Variants in NUMB observed in about 807,000 individuals in gnomAD.
NUMB encodes NUMB endocytic adaptor protein, also known as protein numb homolog.
In NUMB, 29 loss-of-function variants were observed where a neutral mutation model predicts 59.7. That is an observed-to-expected ratio of 0.49 (90% confidence interval 0.36 to 0.66). The LOEUF (loss-of-function observed/expected upper bound fraction) is 0.66. NUMB is among the 30% of genes least tolerant of loss of function. NUMB has a pLI of 0.00. For missense variants in NUMB, 723 were observed against 822.0 expected, an observed-to-expected ratio of 0.88 and a Z score of 1.47; for synonymous variants, 288 against 288.2, an observed-to-expected ratio of 1.00 and a Z score of 0.01.
intron 2 of NUMB, among the ~76,000 whole-genome samples, chr14:73,385,786 G>A (rs1263251029): frequency 6.6e-6 from 1 of 152,124 alleles, no homozygotes; most frequent in Non-Finnish European, 1.5e-5. Context: ...ACAGGCATGA[G>A]CCATCGTGCC....
Position 73,299,200 on chromosome 14 carries a change from T to C in NUMB, c.235-1915A>G, listed in dbSNP as rs1481918259. The C allele has an allele frequency of 2.0e-5, 3 of 152,052 alleles. 1 individual carries two copies. The highest frequency in any genetic ancestry group is 4.4e-5 in the Non-Finnish European group (3 of 68,018). The allele number at this position is 152,052 out of a possible 1,614,324, so 9.4% of individuals were successfully genotyped here. A position where few individuals can be genotyped will look rare whatever the true frequency, so the allele number is the denominator to read the frequency against. On this transcript the variant is annotated intron_variant, in intron 6 of 12. Transcript: ENST00000555238. ...ATGGCTTGGTAAGTAGACTTGGCAA[T>C]GGGAAAGGCGTAATGGGAGATAGAG...
intron 3 of NUMB, chr14:73,356,935 CA>C: frequency 3.1e-6 from 1 of 326,412 alleles, no homozygotes; most frequent in African/African-American, 2.2e-5. Flanking sequence ...TGAGTGAAAG[CA>C]ATCCTCCCGC....
chr14:73,439,369 CA>C (rs939604594), intron 1 of NUMB, among the ~76,000 whole-genome samples: 1 of 152,088 alleles, frequency 6.6e-6, no homozygotes, highest in African/African-American at 2.4e-5. Flanking sequence ...CTATTAAAAA[CA>C]GGGGGAAAAA....
intron 8 of NUMB, among the ~76,000 whole-genome samples, chr14:73,289,697 TA>T (rs1264447579): frequency 1.3e-5 from 2 of 152,236 alleles, no homozygotes; most frequent in African/African-American, 4.8e-5. Flanking sequence ...TTTGACTACT[TA>T]TTTAAAGACT....
intron 3 of NUMB, among the ~76,000 whole-genome samples, chr14:73,362,551 TC>T (rs2043820135): frequency 6.6e-6 from 1 of 152,074 alleles, no homozygotes; most frequent in Non-Finnish European, 1.5e-5. Context: ...TAGGTGATCC[TC>T]CCACTTCAGC....
At chr14:73,286,965 T>G (rs1566726714) in intron 9 of NUMB, 145 bp downstream of exon 9, 2 of 764,194 alleles carry the variant, frequency 2.6e-6, no homozygotes, top group Middle Eastern at 2.4e-4. Flanking sequence ...GGAAGCGGTT[T>G]TTAAGATTTT....
At position 73,292,857 on chromosome 14, in the gene NUMB, C is replaced by G. The variant is rs1889484413; in HGVS notation, c.327G>C (p.Gln109His). ...DEKTKDLIVD[Q>H]TIEKVSFCAP... ...CACAGAAAGAAACTTTCTCTATCGT[C>G]TGGTCAACTATGAGGTCCTAGAAAA... Residue 109 changes from glutamine to histidine, a missense_variant, in exon 8 of 13, where the codon CAG (glutamine) becomes CAC (histidine). By Grantham distance (24) the Gln-to-His change is conservative. Coordinates refer to ENST00000555238, the MANE Select transcript of NUMB (RefSeq NM_001005743.2). 1 of 1,614,208 alleles carries G rather than the reference C, an allele frequency of 6.2e-7. No homozygotes were observed. The highest frequency in any genetic ancestry group is 8.5e-7 in the Non-Finnish European group (1 of 1,180,030).
At chr14:73,352,433 TACACAC>T (rs10610977) in intron 4 of NUMB, among the ~76,000 whole-genome samples, 542 of 52,656 alleles carry the variant, frequency 0.01, 25 homozygotes, top group Middle Eastern at 0.025. Flanking sequence ...AATATATATA[TACACAC>T]ACACACACAC....
intron 6 of NUMB, among the ~76,000 whole-genome samples, chr14:73,304,168 G>GT (rs1205406004): frequency 6.6e-6 from 1 of 152,190 alleles, no homozygotes; most frequent in Non-Finnish European, 1.5e-5. Context: ...CACAGAAATA[G>GT]TAACAAGCTC....
At chr14:73,289,075 T>C (rs1889216405) in intron 8 of NUMB, among the ~76,000 whole-genome samples, 1 of 151,990 alleles carries the variant, frequency 6.6e-6, no homozygotes, top group South Asian at 2.1e-4. Context: ...AGCTTTGCTG[T>C]CTCCCCTTTC....
chr14:73,280,890 C>T (rs1888587577), intron 11 of NUMB, among the ~76,000 whole-genome samples: 1 of 151,798 alleles, frequency 6.6e-6, no homozygotes, highest in Admixed American at 6.6e-5. Context: ...GACGAGGTTT[C>T]ACCATGTTGG....
chr14:73,416,470 C>T (rs1399543251), intron 1 of NUMB, among the ~76,000 whole-genome samples: 1 of 152,006 alleles, frequency 6.6e-6, no homozygotes, highest in Non-Finnish European at 1.5e-5. Flanking sequence ...AAAATAATCA[C>T]ATTTCAAAAT....
At chr14:73,347,450 T>C (rs983749982) in intron 4 of NUMB, among the ~76,000 whole-genome samples, 2 of 149,658 alleles carry the variant, frequency 1.3e-5, no homozygotes, top group Non-Finnish European at 3.0e-5. Context: ...ATTCTTCCCT[T>C]CCACCACTCC....
intron 2 of NUMB, among the ~76,000 whole-genome samples, chr14:73,384,124 A>G (rs778415684): frequency 2.0e-5 from 3 of 152,122 alleles, no homozygotes; most frequent in Non-Finnish European, 2.9e-5. Context: ...TATGCCCAAT[A>G]AAACTATCCT....
At chr14:73,353,097 T>TTTTTTTTTTTTTTG (rs1893547278) in intron 4 of NUMB, among the ~76,000 whole-genome samples, 1 of 129,970 alleles carries the variant, frequency 7.7e-6, no homozygotes, top group East Asian at 2.3e-4. Flanking sequence ...TTTTTTTTTT[T>TTTTTTTTTTTTTTG]TTTTGAGACA....
intron 1 of NUMB, among the ~76,000 whole-genome samples, chr14:73,430,899 T>C (rs1276211812): frequency 6.6e-6 from 1 of 151,758 alleles, no homozygotes; most frequent in Non-Finnish European, 1.5e-5. Flanking sequence ...GAGCCGAGAT[T>C]GCGCCACTGC....
chr14:73,374,719 C>CTTTTT (rs368185389), intron 2 of NUMB, among the ~76,000 whole-genome samples: 7 of 119,316 alleles, frequency 5.9e-5, no homozygotes, highest in Non-Finnish European at 6.8e-5. Context: ...GTTACATTAA[C>CTTTTT]TTTTTTTTTT....
chr14:73,372,802 C>T (rs1224110762), intron 2 of NUMB, among the ~76,000 whole-genome samples: 1 of 151,978 alleles, frequency 6.6e-6, no homozygotes, highest in East Asian at 1.9e-4. Context: ...TATTATATAT[C>T]TTCAATATGT....
At chr14:73,294,950 T>TTAAAAAAAAAAAAAAAAAAAA (rs1419411157) in intron 7 of NUMB, among the ~76,000 whole-genome samples, 9 of 24,386 alleles carry the variant, frequency 3.7e-4, no homozygotes, top group South Asian at 4.1e-3. Context: ...AACCCATCTC[T>TTAAAAAAAAAAAAAAAAAAAA]AAAAAAAAAA....
Sources: allele counts gnomAD v4.1 joint callset (sites outside exome capture counted in the v4.1 genomes callset), GRCh38; gene constraint gnomAD v4.1.1; transcripts MANE v1.5; gene names NCBI Gene and HGNC (gene_info 2026-07-23, HGNC 2026-07-21).